The following DOCK4 variants were observed in gnomAD, a reference collection of about 807,000 sequenced individuals.
The protein encoded by DOCK4 is dedicator of cytokinesis 4.
A neutral mutation model predicts 268.1 loss-of-function variants in DOCK4; 97 were observed. The ratio of observed to expected loss-of-function variants is 0.36; its 90% confidence interval spans 0.31 to 0.43. The LOEUF (loss-of-function observed/expected upper bound fraction) is 0.43, where lower values mean the gene tolerates loss of function less well. DOCK4 is among the 20% of genes least tolerant of loss of function. The probability of loss-of-function intolerance (pLI) is 1.00; values close to 1 mark genes in which losing one functional copy is unlikely to be tolerated. For missense variants in DOCK4, 2,145 were observed against 2,455.7 expected (o/e 0.87, Z 2.67); for synonymous variants, 954 against 887.2 (o/e 1.08, Z -1.34).
At chr7:111,825,531 T>C (rs1048077178) in intron 26 of DOCK4, among the ~76,000 whole-genome samples, 9 of 152,228 alleles carry the variant, frequency 5.9e-5, no homozygotes, top group Non-Finnish European at 1.2e-4. Flanking sequence ...TTTTTATAAT[T>C]TGAAAAAGAA....
intron 23 of DOCK4, among the ~76,000 whole-genome samples, chr7:111,854,327 C>T (rs28671688): frequency 0.32 from 49,113 of 151,846 alleles, 8,024 homozygotes; most frequent in East Asian, 0.35. Flanking sequence ...AAATCCCTGT[C>T]CTGTTCTGTT....
At chr7:111,910,109 T>C (rs1249767431) in intron 13 of DOCK4, among the ~76,000 whole-genome samples, 1 of 152,094 alleles carries the variant, frequency 6.6e-6, no homozygotes, top group Admixed American at 6.5e-5. Context: ...AACAAGTCTC[T>C]AAAGAAATAG....
chr7:112,094,579 A>G (rs183402245), intron 1 of DOCK4, among the ~76,000 whole-genome samples: 26 of 152,336 alleles, frequency 1.7e-4, no homozygotes, highest in African/African-American at 6.3e-4. Flanking sequence ...AAATTTAATT[A>G]TATGTGATTG....
At chr7:111,884,222 AG>A (rs1807655868) in intron 16 of DOCK4, among the ~76,000 whole-genome samples, 1 of 152,200 alleles carries the variant, frequency 6.6e-6, no homozygotes, top group Non-Finnish European at 1.5e-5. Flanking sequence ...GAGATTTTTA[AG>A]GCAATCCAAG....
At chr7:112,140,704 T>C (rs2116267182) in intron 1 of DOCK4, among the ~76,000 whole-genome samples, 1 of 152,258 alleles carries the variant, frequency 6.6e-6, no homozygotes, top group South Asian at 2.1e-4. Context: ...AGAATTTTTT[T>C]TCCTTGCCTT....
In DOCK4 at chr7:111,863,503, C is replaced by G; in HGVS notation, c.2342G>C (p.Arg781Pro). The change falls in exon 23 of 53, where the codon CGG (arginine) becomes CCG (proline). Residue 781 changes from arginine (R) to proline (P), a missense_variant. Arg to Pro is a moderately radical substitution (Grantham distance 103, BLOSUM62 -2). Around this residue, in one of 2 missense-constraint regions of DOCK4, gnomAD observed 1,598 missense variants for 1,986.7 expected, o/e 0.80. Transcript: ENST00000428084. ...GTCCTGGACCAAGTTGGCTACTTCC[C>G]GGACATCAAAGAGCTTCAACAGTTC... ...YSELLKLFDV[R>P]EVANLVQDTL... The G allele has an allele frequency of 1.2e-6, 2 of 1,613,798 alleles. No homozygotes were observed. The highest frequency in any genetic ancestry group is 1.7e-6 in the Non-Finnish European group (2 of 1,179,830).
At chr7:111,795,996 T>C (rs1799867572) in intron 30 of DOCK4, among the ~76,000 whole-genome samples, 1 of 152,208 alleles carries the variant, frequency 6.6e-6, no homozygotes, top group Non-Finnish European at 1.5e-5. Flanking sequence ...CTGGATCTCC[T>C]TGCCCTTGGC....
chr7:111,881,389 G>C (rs1807376455), intron 16 of DOCK4, among the ~76,000 whole-genome samples: 1 of 152,130 alleles, frequency 6.6e-6, no homozygotes, highest in Non-Finnish European at 1.5e-5. Context: ...TCTCACCCCA[G>C]GTAAAATGGC....
chr7:111,747,512 T>A, intron 42 of DOCK4, 69 bp from the exon 43 acceptor site: 1 of 1,442,530 alleles, frequency 6.9e-7, no homozygotes, highest in Non-Finnish European at 9.3e-7. Context: ...AAGTAGTTTA[T>A]CCATGTTCTG....
intron 1 of DOCK4, among the ~76,000 whole-genome samples, chr7:112,084,676 T>C (rs1336510671): frequency 2.0e-5 from 3 of 152,140 alleles, no homozygotes; most frequent in East Asian, 3.9e-4. Flanking sequence ...ACATGCATAA[T>C]GAAAACGAAA....
At chr7:111,872,207 T>G in intron 19 of DOCK4, 62 bp downstream of exon 19, 1 of 1,382,826 alleles carries the variant, frequency 7.2e-7, no homozygotes, top group South Asian at 1.4e-5. Context: ...TGAACCAGCC[T>G]CATGAAAGTC....
chr7:111,988,927 C>A (rs926545468), intron 6 of DOCK4, 88 bp downstream of exon 6: 1 of 1,498,548 alleles, frequency 6.7e-7, no homozygotes, highest in Admixed American at 2.1e-5. Flanking sequence ...GGATTGCTTC[C>A]AGTGACATTA....
intron 8 of DOCK4, among the ~76,000 whole-genome samples, chr7:111,972,519 A>G (rs998591896): frequency 9.9e-5 from 15 of 152,018 alleles, no homozygotes; most frequent in African/African-American, 3.4e-4. Context: ...CTAACCACTT[A>G]TCTGTCTTAT....
Position 112,120,397 on chromosome 7 carries a change from T to C in DOCK4, c.37+85705A>G, listed in dbSNP as rs749432464. Among the ~76,000 whole-genome samples the C allele has an allele frequency of 4.7e-4, 72 of 152,192 alleles. 1 individual carries two copies. The highest frequency in any genetic ancestry group is 3.9e-4 in the Admixed American group (6 of 15,288). On this transcript the variant is annotated intron_variant, in intron 1 of 52. Transcript: ENST00000428084. The stretch of plus-strand genomic sequence containing the variant: ...ATGAAAAAGAAATCCGGTCTCAAAT[T>C]TCACAAATTTTGGGTGAGGTTTACA...
At chr7:111,747,649 C>T (rs1236124726) in intron 42 of DOCK4, among the ~76,000 whole-genome samples, 1 of 152,194 alleles carries the variant, frequency 6.6e-6, no homozygotes, top group Non-Finnish European at 1.5e-5. Flanking sequence ...GGTAATTATA[C>T]TTATTCATTG....
At chr7:111,894,178 T>C (rs1049634983) in intron 16 of DOCK4, among the ~76,000 whole-genome samples, 1 of 148,706 alleles carries the variant, frequency 6.7e-6, no homozygotes, top group African/African-American at 2.5e-5. Flanking sequence ...GTCAAGATTG[T>C]GCCGCTGCAC....
intron 1 of DOCK4, among the ~76,000 whole-genome samples, chr7:112,016,645 A>G (rs1801832290): frequency 6.6e-6 from 1 of 152,194 alleles, no homozygotes. Context: ...GATTATTTCA[A>G]TTGCAATCAA....
chr7:111,883,415 C>G (rs1807578751), intron 16 of DOCK4, among the ~76,000 whole-genome samples: 1 of 151,020 alleles, frequency 6.6e-6, no homozygotes, highest in African/African-American at 2.4e-5. Context: ...CCCAGACACT[C>G]TGTCCTGCTA....
At chr7:111,939,606 T>A (rs1014510370) in intron 11 of DOCK4, among the ~76,000 whole-genome samples, 1 of 151,940 alleles carries the variant, frequency 6.6e-6, no homozygotes, top group African/African-American at 2.4e-5. Flanking sequence ...CTGCTCAAGG[T>A]CATCGCCGAG....
Sources: allele counts gnomAD v4.1 joint callset (sites outside exome capture counted in the v4.1 genomes callset), GRCh38; gene constraint gnomAD v4.1.1; regional missense constraint gnomAD v4.1.1; transcripts MANE v1.5; gene names NCBI Gene and HGNC (gene_info 2026-07-23, HGNC 2026-07-21).